Variants in ABLIM1 observed in about 807,000 individuals in gnomAD.
The protein encoded by ABLIM1 is actin binding LIM protein 1.
ABLIM1 carries 40 observed loss-of-function variants against 107.0 expected under a neutral mutation model. The observed-to-expected ratio is 0.37, with a 90% CI of 0.29 to 0.49. The LOEUF (loss-of-function observed/expected upper bound fraction) is 0.49, where lower values mean the gene tolerates loss of function less well. Ranked by LOEUF, ABLIM1 falls within the 20% of genes least tolerant of loss-of-function variation. The pLI is 0.97. For missense variants in ABLIM1, 857 were observed against 1,008.5 expected, an observed-to-expected ratio of 0.85 and a Z score of 2.04; for synonymous variants, 357 against 357.3, an observed-to-expected ratio of 1.00 and a Z score of 0.01.
intron 6 of ABLIM1, among the ~76,000 whole-genome samples, chr10:114,530,328 CT>C (rs1030583598): frequency 2.0e-5 from 3 of 152,048 alleles, no homozygotes; most frequent in Admixed American, 6.6e-5. Context: ...GTTAAGAGAC[CT>C]CTTCACCGTC....
chr10:114,540,365 G>A (rs1386264654), intron 6 of ABLIM1, among the ~76,000 whole-genome samples: 1 of 152,190 alleles, frequency 6.6e-6, no homozygotes, highest in Non-Finnish European at 1.5e-5. Context: ...CAAAGAAGTG[G>A]CAAGCCTTGC....
intron 7 of ABLIM1, among the ~76,000 whole-genome samples, chr10:114,489,712 C>T (rs1327081730): frequency 2.0e-5 from 3 of 152,206 alleles, no homozygotes; most frequent in Non-Finnish European, 2.9e-5. Context: ...ACCGGGTCTG[C>T]GCACAATGGC....
At chr10:114,569,201 A>C (rs1258312680) in intron 4 of ABLIM1, among the ~76,000 whole-genome samples, 5 of 152,200 alleles carry the variant, frequency 3.3e-5, no homozygotes, top group Non-Finnish European at 5.9e-5. Context: ...AGTTGGACTA[A>C]AGGACTTCAC....
chr10:114,468,571 GC>G (rs1285594738), intron 10 of ABLIM1, among the ~76,000 whole-genome samples: 1 of 151,928 alleles, frequency 6.6e-6, no homozygotes, highest in Non-Finnish European at 1.5e-5. Flanking sequence ...ACCGCGCCTG[GC>G]CTCTTTGCCA....
At chr10:114,539,276 T>G (rs2066371407) in intron 6 of ABLIM1, among the ~76,000 whole-genome samples, 1 of 152,152 alleles carries the variant, frequency 6.6e-6, no homozygotes, top group East Asian at 1.9e-4. Context: ...GCGAATCACT[T>G]GAACCCAGGA....
At chr10:114,506,319 A>G (rs1438531403) in intron 6 of ABLIM1, among the ~76,000 whole-genome samples, 1 of 152,220 alleles carries the variant, frequency 6.6e-6, no homozygotes, top group African/African-American at 2.4e-5. Context: ...GCTGCAAAGA[A>G]CATACAAGTG....
At chr10:114,468,440 C>G (rs1462926779) in intron 10 of ABLIM1, among the ~76,000 whole-genome samples, 4 of 151,564 alleles carry the variant, frequency 2.6e-5, no homozygotes, top group East Asian at 2.0e-4. Context: ...CCCCCAGCTA[C>G]TTTTTTTGTA....
intron 12 of ABLIM1, among the ~76,000 whole-genome samples, chr10:114,462,378 T>G (rs2064125761): frequency 6.6e-6 from 1 of 152,146 alleles, no homozygotes; most frequent in South Asian, 2.1e-4. Context: ...GCTCCCCCAG[T>G]GTGGAGAGTC....
intron 6 of ABLIM1, among the ~76,000 whole-genome samples, chr10:114,525,214 G>A (rs984840342): frequency 3.3e-5 from 5 of 152,216 alleles, no homozygotes; most frequent in Non-Finnish European, 7.3e-5. Context: ...TGTCAATAAT[G>A]CTGAGGTTGA....
At chr10:114,781,577 T>A in the ABLIM1 span, among the ~76,000 whole-genome samples, 2 of 150,842 alleles carry the variant, frequency 1.3e-5, no homozygotes. Context: ...TGTATGTATA[T>A]GTGTGTGTGA....
At position 114,435,835 on chromosome 10, in the gene ABLIM1, G is replaced by A. The variant is rs41293060; in HGVS notation, c.*425C>T. The A allele has an allele frequency of 3.2e-3, 507 of 156,898 alleles. 1 individual carries two copies. The highest frequency in any genetic ancestry group is 5.0e-3 in the Non-Finnish European group (351 of 70,790). The allele number at this position is 156,898 out of a possible 1,614,324, so 9.7% of individuals were successfully genotyped here. A position where few individuals can be genotyped will look rare whatever the true frequency, so the allele number is the denominator to read the frequency against. On this transcript the variant is annotated 3_prime_UTR_variant, in exon 23 of 23. Coordinates refer to ENST00000533213, the MANE Select transcript of ABLIM1 (RefSeq NM_002313.7). Reference sequence around the variant, plus strand: ...CTCACTCTTCCTTCTTAGCCGCAGCGCTACTTAATAAATATATTTATACTT... The same window carrying A: ...CTCACTCTTCCTTCTTAGCCGCAGCACTACTTAATAAATATATTTATACTT...
At chr10:114,448,716 G>T (rs1166740064) in intron 14 of ABLIM1, among the ~76,000 whole-genome samples, 1 of 151,878 alleles carries the variant, frequency 6.6e-6, no homozygotes. Flanking sequence ...CAGGTTCAAG[G>T]GATTCTCCTG....
rs1411898852 is a variant in ABLIM1, at chr10:114,575,533, T to C, written c.446A>G (p.Asp149Gly). The change falls in exon 3 of 23, where the codon GAC (aspartate) becomes GGC (glycine). Residue 149 changes from aspartate (D) to glycine (G), a missense_variant. Coordinates refer to ENST00000533213, the MANE Select transcript of ABLIM1 (RefSeq NM_002313.7). ...GCGTGTCCCGTACATCCGCTGGTAG[T>C]CCAGGGTGCAGAGATACTCTCCGTT... ...IKNGEYLCTL[D>G]YQRMYGTRCH... 6.2e-7 allele frequency: 1 copy of C among 1,614,186 alleles called. No individual in the cohort carries two copies.
intron 8 of ABLIM1, among the ~76,000 whole-genome samples, chr10:114,485,949 C>CT (rs2058123617): frequency 6.6e-6 from 1 of 152,118 alleles, no homozygotes; most frequent in Non-Finnish European, 1.5e-5. Context: ...CAGTGTGAAC[C>CT]CCGGCTCTGG....
chr10:114,578,041 A>C (rs1408724734), intron 2 of ABLIM1, among the ~76,000 whole-genome samples: 3 of 152,134 alleles, frequency 2.0e-5, no homozygotes, highest in African/African-American at 4.8e-5. Context: ...CTCAGTGGCC[A>C]GGCCCCTAAA....
At position 114,619,002 on chromosome 10, in the gene ABLIM1, G is replaced by A. The variant is rs1030874987; in HGVS notation, c.245-17041C>T. 2.0e-5 allele frequency among the ~76,000 whole-genome samples: 3 copies of A among 151,930 alleles called. No homozygotes were observed. The highest frequency in any genetic ancestry group is 6.6e-5 in the Admixed American group (1 of 15,258). On this transcript the variant is annotated intron_variant, in intron 1 of 22. Transcript: ENST00000533213. The surrounding 1 kb of genome is among the most constrained non-coding windows in gnomAD (Gnocchi z 4.1). ...GTCCAAGTGCTTTTTGAATCCTGTT[G>A]TATATTGCAAGGGTGCTTTCAAGTC...
At chr10:114,777,458 T>C in the ABLIM1 span, among the ~76,000 whole-genome samples, 2 of 152,218 alleles carry the variant, frequency 1.3e-5, no homozygotes, top group Non-Finnish European at 2.9e-5. Flanking sequence ...TTATTGGCCA[T>C]ATTTTCCTGC....
chr10:114,764,354 T>C (rs2082829280), intron 1 of ABLIM1, among the ~76,000 whole-genome samples: 1 of 152,232 alleles, frequency 6.6e-6, no homozygotes, highest in African/African-American at 2.4e-5. Context: ...GCTTTTCTTA[T>C]GAGATTAAAT....
chr10:114,762,189 C>T (rs187817200), intron 1 of ABLIM1, among the ~76,000 whole-genome samples: 17 of 152,226 alleles, frequency 1.1e-4, no homozygotes, highest in Admixed American at 4.6e-4. Context: ...CCCGCCACCA[C>T]GCCCAGCTAA....
Sources: gnomAD v4.1 joint callset for allele counts (sites outside exome capture counted in the v4.1 genomes callset) on GRCh38, gnomAD v4.1.1 for gene constraint, Gnocchi (gnomAD v3.1) non-coding constraint, MANE v1.5 for transcripts, NCBI Gene and HGNC (gene_info 2026-07-23, HGNC 2026-07-21) for gene names.